MAPK14: variants seen among roughly 807,000 people sequenced by gnomAD.
MAPK14 encodes mitogen-activated protein kinase 14.
In MAPK14, 16 loss-of-function variants were observed where a neutral mutation model predicts 49.6. That is an observed-to-expected ratio of 0.32 (90% confidence interval 0.22 to 0.49). The LOEUF (loss-of-function observed/expected upper bound fraction) is 0.49. Ranked by LOEUF, MAPK14 falls within the 20% of genes least tolerant of loss-of-function variation. The probability of loss-of-function intolerance (pLI) is 0.99; values close to 1 mark genes in which losing one functional copy is unlikely to be tolerated. For synonymous variants in MAPK14, 142 were observed against 158.0 expected (o/e 0.90, Z 0.76); for missense variants, 200 against 441.2 (o/e 0.45, Z 4.90).
At chr6:36,059,475 T>C in intron 3 of MAPK14, 128 bp downstream of exon 3, 3 of 704,690 alleles carry the variant, frequency 4.3e-6, no homozygotes, top group South Asian at 1.6e-5. Context: ...GCACCTCTTT[T>C]TGGGTGTAGG....
chr6:36,092,215 GTCAC>G, intron 8 of MAPK14: 1 of 550,020 alleles, frequency 1.8e-6, no homozygotes. Context: ...AATGATTACT[GTCAC>G]GATGTGTGTG....
intron 1 of MAPK14, among the ~76,000 whole-genome samples, chr6:36,031,509 G>A (rs1344232168): frequency 1.3e-5 from 2 of 152,076 alleles, no homozygotes; most frequent in Non-Finnish European, 2.9e-5. Context: ...GGGTTCAAGC[G>A]ATTCTCCTGC....
intron 1 of MAPK14, among the ~76,000 whole-genome samples, chr6:36,032,204 C>T (rs188912512): frequency 6.4e-4 from 98 of 152,148 alleles, no homozygotes; most frequent in Middle Eastern, 6.8e-3. Flanking sequence ...TACTTTGTAA[C>T]ATTTACAAAT....
downstream of MAPK14, among the ~76,000 whole-genome samples, chr6:36,114,668 G>A (rs1766029546): frequency 6.6e-6 from 1 of 151,306 alleles, no homozygotes; most frequent in Admixed American, 6.6e-5. Context: ...AGTACAAATT[G>A]GAAAGGCCTT....
At chr6:36,104,064 G>T (rs1765724536) in intron 10 of MAPK14, among the ~76,000 whole-genome samples, 2 of 152,188 alleles carry the variant, frequency 1.3e-5, no homozygotes, top group Non-Finnish European at 2.9e-5. Context: ...AGGAATTTTA[G>T]TGTCGCTGTG....
intron 8 of MAPK14, among the ~76,000 whole-genome samples, chr6:36,090,590 A>G (rs1393021772): frequency 2.0e-5 from 3 of 151,034 alleles, no homozygotes; most frequent in African/African-American, 4.9e-5. Flanking sequence ...CAATGGCGCA[A>G]TCTCTGCTCA....
At chr6:36,104,048 A>C (rs1208915252) in intron 10 of MAPK14, among the ~76,000 whole-genome samples, 2 of 152,186 alleles carry the variant, frequency 1.3e-5, no homozygotes, top group Admixed American at 1.3e-4. Flanking sequence ...CATAGTGATT[A>C]TGGAGAGGAA....
Position 36,075,899 on chromosome 6 carries a change from G to A in MAPK14, c.547G>A (p.Val183Met). 2 of 1,613,952 alleles carry A rather than the reference G, an allele frequency of 1.2e-6. No homozygotes were observed. Among genetic ancestry groups the A allele is most frequent in the Non-Finnish European group, 1.7e-6 (2 of 1,179,968 alleles). The stretch of plus-strand genomic sequence containing the variant: ...CACAGATGATGAAATGACAGGCTAC[G>A]TGGCCACTAGGTGGTACAGGGCTCC... ...RHTDDEMTGY[V>M]ATRWYRAPEI... The change falls in exon 7 of 12, where the codon GTG becomes ATG. Residue 183 changes from valine (V) to methionine (M), a missense_variant. Transcript: ENST00000229794.
intron 4 of MAPK14, 55 bp from the exon 5 acceptor site, chr6:36,073,634 TTA>T: frequency 7.3e-7 from 1 of 1,370,700 alleles, no homozygotes; most frequent in Non-Finnish European, 1.0e-6. Flanking sequence ...AGCAAATATG[TTA>T]TATAATATGA....
the MAPK14 span, among the ~76,000 whole-genome samples, chr6:36,120,281 ATGAG>A: frequency 5.3e-5 from 8 of 152,182 alleles, no homozygotes; most frequent in South Asian, 2.1e-4. Flanking sequence ...CATCATGATG[ATGAG>A]TATCTATGAT....
intron 3 of MAPK14, among the ~76,000 whole-genome samples, chr6:36,071,677 T>G (rs73407881): frequency 0.016 from 2,427 of 152,260 alleles, 59 homozygotes; most frequent in African/African-American, 0.054. Context: ...AATACTCCTA[T>G]TTTAGAACCT....
chr6:36,083,567 C>T (rs913210150), intron 8 of MAPK14, among the ~76,000 whole-genome samples: 1 of 152,164 alleles, frequency 6.6e-6, no homozygotes, highest in African/African-American at 2.4e-5. Context: ...CAGTGCAGAC[C>T]CTACAGTGGT....
the MAPK14 span, among the ~76,000 whole-genome samples, chr6:36,116,967 T>G: frequency 2.0e-5 from 3 of 152,240 alleles, no homozygotes; most frequent in African/African-American, 7.2e-5. Context: ...CCAAAGAGTT[T>G]TATAGCATTG....
At chr6:36,034,867 T>C (rs1762675776) in intron 1 of MAPK14, among the ~76,000 whole-genome samples, 1 of 151,990 alleles carries the variant, frequency 6.6e-6, no homozygotes, top group Non-Finnish European at 1.5e-5. Flanking sequence ...TGTGTCACAT[T>C]TTGGTAATTC....
intron 10 of MAPK14, among the ~76,000 whole-genome samples, chr6:36,102,934 A>G (rs1765685511): frequency 6.6e-6 from 1 of 152,216 alleles, no homozygotes; most frequent in African/African-American, 2.4e-5. Context: ...AAGATTGGTG[A>G]GGCAGGAAGA....
chr6:36,082,497 T>A (rs546570710), intron 8 of MAPK14, among the ~76,000 whole-genome samples: 5 of 152,322 alleles, frequency 3.3e-5, no homozygotes, highest in Non-Finnish European at 1.5e-5. Context: ...TGCATAGCTG[T>A]AAAAGAAGCA....
chr6:36,091,112 C>A (rs1005718460), intron 8 of MAPK14, among the ~76,000 whole-genome samples: 3 of 152,164 alleles, frequency 2.0e-5, no homozygotes, highest in Non-Finnish European at 4.4e-5. Context: ...CAGGTAGGTC[C>A]TGCAATTGGT....
intron 8 of MAPK14, among the ~76,000 whole-genome samples, chr6:36,082,293 T>C (rs1462872790): frequency 6.6e-6 from 1 of 152,258 alleles, no homozygotes; most frequent in African/African-American, 2.4e-5. Flanking sequence ...GTAGGCATCC[T>C]TGTCTTGTTC....
At chr6:36,052,144 G>T (rs953561172) in intron 1 of MAPK14, among the ~76,000 whole-genome samples, 2 of 152,086 alleles carry the variant, frequency 1.3e-5, no homozygotes, top group Non-Finnish European at 2.9e-5. Flanking sequence ...TACTTTGTAG[G>T]TGCTCAAGAA....
Sources: allele counts gnomAD v4.1 joint callset (sites outside exome capture counted in the v4.1 genomes callset), GRCh38; gene constraint gnomAD v4.1.1; transcripts MANE v1.5; gene names NCBI Gene and HGNC (gene_info 2026-07-23, HGNC 2026-07-21).